AUTS2: variants seen among roughly 807,000 people sequenced by gnomAD.
AUTS2 encodes activator of transcription and developmental regulator AUTS2.
In AUTS2, 17 loss-of-function variants were observed where a neutral mutation model predicts 112.4. The ratio of observed to expected loss-of-function variants is 0.15; its 90% CI spans 0.10 to 0.23. AUTS2 has a LOEUF of 0.23. AUTS2 is among the 10% of genes least tolerant of loss of function. The probability of loss-of-function intolerance (pLI) is 1.00; values close to 1 mark genes in which losing one functional copy is unlikely to be tolerated. For synonymous variants in AUTS2, 751 were observed against 702.7 expected (o/e 1.07, Z -1.09); for missense variants, 1,510 against 1,701.6 (o/e 0.89, Z 1.98).
intron 2 of AUTS2, among the ~76,000 whole-genome samples, chr7:70,108,819 C>T (rs1026399581): frequency 7.1e-6 from 1 of 140,096 alleles, no homozygotes; most frequent in African/African-American, 2.9e-5. Context: ...AAAAAATAGC[C>T]GAGGATGGTA....
chr7:70,185,257 CTTTTTTTTTT>C (rs35215443), intron 4 of AUTS2, among the ~76,000 whole-genome samples: 2 of 87,118 alleles, frequency 2.3e-5, no homozygotes, highest in South Asian at 5.1e-4. Flanking sequence ...TGACATTAAA[CTTTTTTTTTT>C]TTTTTTTTTT....
chr7:69,655,149 A>G (rs765465543), intron 1 of AUTS2, among the ~76,000 whole-genome samples: 4 of 152,204 alleles, frequency 2.6e-5, no homozygotes, highest in Non-Finnish European at 5.9e-5. Context: ...CCTAGTAATT[A>G]GAAACTGTAA....
chr7:70,662,149 GC>G (rs1445067020), intron 5 of AUTS2, among the ~76,000 whole-genome samples: 7 of 152,248 alleles, frequency 4.6e-5, no homozygotes, highest in Non-Finnish European at 8.8e-5. Flanking sequence ...TTGAAAGTTG[GC>G]CCCGAGTGGG....
At chr7:70,744,371 G>T (rs1413244202) in intron 6 of AUTS2, among the ~76,000 whole-genome samples, 1 of 152,158 alleles carries the variant, frequency 6.6e-6, no homozygotes, top group Admixed American at 6.5e-5. Flanking sequence ...CACATCCTCG[G>T]TTTGGGGCCA....
intron 4 of AUTS2, among the ~76,000 whole-genome samples, chr7:70,206,799 A>C (rs973038048): frequency 6.6e-6 from 1 of 152,200 alleles, no homozygotes; most frequent in Non-Finnish European, 1.5e-5. Flanking sequence ...GACTTGGGTA[A>C]ATACTCATTG....
At chr7:70,468,047 A>G (rs1426381341) in intron 5 of AUTS2, among the ~76,000 whole-genome samples, 1 of 152,214 alleles carries the variant, frequency 6.6e-6, no homozygotes, top group Non-Finnish European at 1.5e-5. Context: ...GAGGGCATCA[A>G]GAGACTCCAG....
intron 5 of AUTS2, among the ~76,000 whole-genome samples, chr7:70,484,543 C>T (rs930954395): frequency 6.6e-6 from 1 of 152,216 alleles, no homozygotes; most frequent in Non-Finnish European, 1.5e-5. Context: ...AGTTACCTCC[C>T]TCCTCAGTAT....
intron 2 of AUTS2, among the ~76,000 whole-genome samples, chr7:69,977,749 T>C (rs2129549129): frequency 6.6e-6 from 1 of 152,322 alleles, no homozygotes; most frequent in South Asian, 2.1e-4. Context: ...TTTTGGTATG[T>C]GTCATTGACA....
Position 69,599,339 on chromosome 7 carries a change from GTT to G in AUTS2, c.-314_-313del, listed in dbSNP as rs1792237548. On this transcript the variant is annotated 5_prime_UTR_variant, in exon 1 of 19. Coordinates refer to ENST00000342771, the MANE Select transcript of AUTS2 (RefSeq NM_015570.4). This position sits in a 1 kb window ranked among gnomAD's most constrained non-coding sequence, Gnocchi z 7.0. Reference sequence around the variant, plus strand: ...TTTTTCCTCTAAAGGAGACCTGTGTGTTCAGCCATTACTTTGCTCGGCGCTGC... The same window carrying G: ...TTTTTCCTCTAAAGGAGACCTGTGTGCAGCCATTACTTTGCTCGGCGCTGC... 1 of 295,406 alleles carries G rather than the reference GTT, an allele frequency of 3.4e-6. No individual in the cohort carries two copies. Among genetic ancestry groups the G allele is most frequent in the Non-Finnish European group, 6.2e-6 (1 of 160,158 alleles). 18.3% of individuals were successfully genotyped at this position (295,406 alleles called of 1,614,324 possible).
chr7:69,758,045 G>C (rs1247150373), intron 1 of AUTS2, among the ~76,000 whole-genome samples: 1 of 152,226 alleles, frequency 6.6e-6, no homozygotes, highest in East Asian at 1.9e-4. Context: ...GGCGATCTTT[G>C]ATCTGGTTCT....
intron 5 of AUTS2, among the ~76,000 whole-genome samples, chr7:70,540,012 G>A (rs2129504533): frequency 6.6e-6 from 1 of 152,264 alleles, no homozygotes; most frequent in South Asian, 2.1e-4. Flanking sequence ...GCTTTTTGTG[G>A]TGTTGAAGGT....
At chr7:70,070,916 G>T (rs1343425909) in intron 2 of AUTS2, among the ~76,000 whole-genome samples, 2 of 151,356 alleles carry the variant, frequency 1.3e-5, no homozygotes, top group African/African-American at 4.8e-5. Flanking sequence ...GGGAGGGAGG[G>T]AGGATTTCAA....
At chr7:70,626,497 A>G (rs560679204) in intron 5 of AUTS2, among the ~76,000 whole-genome samples, 3 of 152,000 alleles carry the variant, frequency 2.0e-5, no homozygotes, top group East Asian at 1.9e-4. Context: ...TATTTTTTAA[A>G]TAACTCACTT....
chr7:70,658,329 TC>T (rs1378739515), intron 5 of AUTS2, among the ~76,000 whole-genome samples: 3 of 151,512 alleles, frequency 2.0e-5, no homozygotes, highest in East Asian at 1.9e-4. Flanking sequence ...AAAAGACCAC[TC>T]CCCCCCAACA....
intron 1 of AUTS2, among the ~76,000 whole-genome samples, chr7:69,727,830 T>A (rs2129225438): frequency 6.6e-6 from 1 of 152,226 alleles, no homozygotes; most frequent in Non-Finnish European, 1.5e-5. Context: ...TTATATAAGG[T>A]TTAGAATCAA....
chr7:70,510,791 T>G (rs1350043761), intron 5 of AUTS2, among the ~76,000 whole-genome samples: 1 of 152,174 alleles, frequency 6.6e-6, no homozygotes, highest in Non-Finnish European at 1.5e-5. Flanking sequence ...ATTGTTATTT[T>G]TAAATGAATA....
chr7:70,726,301 C>T (rs1222544944), intron 6 of AUTS2, among the ~76,000 whole-genome samples: 3 of 151,450 alleles, frequency 2.0e-5, no homozygotes, highest in East Asian at 1.9e-4. Flanking sequence ...GAATATTTTG[C>T]TGTCATACCA....
intron 6 of AUTS2, among the ~76,000 whole-genome samples, chr7:70,716,857 T>C (rs1296534149): frequency 1.3e-5 from 2 of 152,034 alleles, no homozygotes; most frequent in South Asian, 2.1e-4. Context: ...GGAGATTTCA[T>C]GTGATACTAA....
chr7:70,090,378 TC>T (rs1803849785), intron 2 of AUTS2, among the ~76,000 whole-genome samples: 1 of 152,062 alleles, frequency 6.6e-6, no homozygotes, highest in African/African-American at 2.4e-5. Context: ...TTTTTTTTTT[TC>T]TTGAGACGAA....
Sources: allele counts gnomAD v4.1 joint callset (sites outside exome capture counted in the v4.1 genomes callset), GRCh38; gene constraint gnomAD v4.1.1; non-coding constraint Gnocchi (gnomAD v3.1); transcripts MANE v1.5; gene names NCBI Gene and HGNC (gene_info 2026-07-23, HGNC 2026-07-21).